The following ZNF496 variants were observed in gnomAD, a reference collection of about 807,000 sequenced individuals.
The protein encoded by ZNF496 is zinc finger protein 496.
A neutral mutation model predicts 58.9 loss-of-function variants in ZNF496; 11 were observed. That is an observed-to-expected ratio of 0.19 (90% confidence interval 0.12 to 0.31). The LOEUF is 0.31. ZNF496 is among the 10% of genes least tolerant of loss of function. The pLI is 1.00. For synonymous variants in ZNF496, 338 were observed against 318.2 expected, an observed-to-expected ratio of 1.06 and a Z score of -0.66; for missense variants, 660 against 783.0, an observed-to-expected ratio of 0.84 and a Z score of 1.88.
Position 247,300,295 on chromosome 1 carries a change from T to C in ZNF496, c.*224A>G. 2.2e-6 allele frequency: 1 copy of C among 450,436 alleles called. No homozygotes were observed. The highest frequency in any genetic ancestry group is 3.8e-6 in the Non-Finnish European group (1 of 260,356). The allele number at this position is 450,436 out of a possible 1,614,324, so 27.9% of individuals were successfully genotyped here. On this transcript the variant is annotated 3_prime_UTR_variant, in exon 10 of 10. Transcript: ENST00000682384. The surrounding 1 kb of genome is among the most constrained non-coding windows in gnomAD (Gnocchi z 5.7). ...CTGGTGATGGCACATCCCCCCCGTT[T>C]TTTGGCACAGCAGAAACAGAACACT... is the stretch of plus-strand genomic sequence containing the variant.
Position 247,308,656 on chromosome 1 carries a change from T to G in ZNF496, c.893-68A>C. ...TACAGCACTACCTGGGAGGGTGCTA[T>G]CCGAATAGATGCCAGGCTACGATCT... On this transcript the variant is annotated intron_variant, in intron 8 of 9. Coordinates refer to ENST00000682384, the MANE Select transcript of ZNF496 (RefSeq NM_032752.3). The surrounding 1 kb of genome is among the most constrained non-coding windows in gnomAD (Gnocchi z 4.5). 2 of 1,426,580 alleles carry G rather than the reference T, an allele frequency of 1.4e-6. No individual in the cohort carries two copies. Among genetic ancestry groups the G allele is most frequent in the Non-Finnish European group, 2.0e-6 (2 of 1,014,300 alleles). 88.4% of individuals were successfully genotyped at this position (1,426,580 alleles called of 1,614,324 possible). A position where few individuals can be genotyped will look rare whatever the true frequency, so the allele number is the denominator to read the frequency against.
At chr1:247,328,452 C>T (rs529202047) in intron 5 of ZNF496, among the ~76,000 whole-genome samples, 1 of 152,300 alleles carries the variant, frequency 6.6e-6, no homozygotes, top group Admixed American at 6.5e-5. Context: ...CCTACAGAAG[C>T]GTTAGCTCTG....
chr1:247,328,710 G>A lies in ZNF496; in HGVS notation c.547C>T (p.Pro183Ser). ...LAQCLGLPSR[P>S]PSQLSGDPVL... ...GGGTCCCCGCTGAGCTGGCTTGGTGGTCTGCTTGGGAGCCCCAGGCACTGT... is the reference window on the plus strand; with the variant it reads ...GGGTCCCCGCTGAGCTGGCTTGGTGATCTGCTTGGGAGCCCCAGGCACTGT... The change falls in exon 5 of 10, where the codon CCA becomes TCA. Residue 183 changes from proline (P) to serine (S), a missense_variant. By Grantham distance (74) the Pro-to-Ser change is moderately conservative (BLOSUM62 -1). Transcript: ENST00000682384. 2 of 1,602,338 alleles carry A rather than the reference G, an allele frequency of 1.2e-6. No homozygotes were observed. The highest frequency in any genetic ancestry group is 2.2e-5 in the East Asian group (1 of 44,748).
intron 6 of ZNF496, chr1:247,313,216 GGCTA>G (rs1659663145): frequency 6.6e-6 from 1 of 152,246 alleles, no homozygotes; most frequent in Non-Finnish European, 1.5e-5. Context: ...GCAGCTTGGG[GGCTA>G]GCATTTCAAC....
Position 247,300,625 on chromosome 1 carries a change from A to G in ZNF496, c.1658T>C (p.Phe553Ser). ...GCTCTTGACGCAGTACCGGCACTGG[A>G]AGGGCCGGGCTTTGTCCTTCAGGTG... ...HFHLKDKARP[F>S]QCRYCVKSFT... is the part of the protein sequence containing the mutation. Residue 553 changes from phenylalanine to serine, a missense_variant, in exon 10 of 10, where the codon TTC becomes TCC. Transcript: ENST00000682384. This position sits in a 1 kb window ranked among gnomAD's most constrained non-coding sequence, Gnocchi z 5.7. 6.2e-7 allele frequency: 1 copy of G among 1,614,090 alleles called. No individual in the cohort carries two copies. Among genetic ancestry groups the G allele is most frequent in the Non-Finnish European group, 8.5e-7 (1 of 1,180,024 alleles).
At chr1:247,313,954 A>G (rs914315096) in intron 6 of ZNF496, 29 of 152,216 alleles carry the variant, frequency 1.9e-4, no homozygotes, top group African/African-American at 6.5e-4. Context: ...CTGCTTCTCA[A>G]GAGGTTCCTG....
intron 5 of ZNF496, among the ~76,000 whole-genome samples, chr1:247,324,129 G>A (rs1298358830): frequency 6.6e-6 from 1 of 151,062 alleles, no homozygotes; most frequent in Admixed American, 6.6e-5. Flanking sequence ...GAATTACTGT[G>A]GAACTCCATA....
chr1:247,329,268 G>A lies in ZNF496; in HGVS notation c.311C>T (p.Ala104Val). 6.2e-7 allele frequency: 1 copy of A among 1,613,584 alleles called. No homozygotes were observed. Among genetic ancestry groups the A allele is most frequent in the Non-Finnish European group, 8.5e-7 (1 of 1,179,992 alleles). Residue 104 changes from alanine to valine, a missense_variant, in exon 4 of 10, where the codon GCG becomes GTG. Physicochemically the swap from Ala to Val is moderately conservative, Grantham distance 64. Coordinates refer to ENST00000682384, the MANE Select transcript of ZNF496 (RefSeq NM_032752.3). The surrounding 1 kb of genome is among the most constrained non-coding windows in gnomAD (Gnocchi z 5.5). ...LPREIQSWVR[A>V]QEPESGEQAV... ...CTGCTCTCCGCTCTCAGGCTCCTGC[G>A]CCCGCACCCAGCTCTGGATCTCCCG... is the stretch of plus-strand genomic sequence containing the variant.
chr1:247,312,750 GAAAAA>G (rs1659644374), intron 6 of ZNF496: 1 of 138,136 alleles, frequency 7.2e-6, no homozygotes, highest in African/African-American at 2.6e-5. Flanking sequence ...AAAAAAAAAA[GAAAAA>G]GAAAAAGAAA....
At chr1:247,311,399 T>TAA (rs1415595363) in intron 6 of ZNF496, 2 of 123,216 alleles carry the variant, frequency 1.6e-5, no homozygotes, top group African/African-American at 3.2e-5. Context: ...GACTCAGTCT[T>TAA]AAAAAAAAAA....
intron 9 of ZNF496, among the ~76,000 whole-genome samples, chr1:247,306,524 T>C (rs547550309): frequency 1.3e-5 from 2 of 151,408 alleles, no homozygotes; most frequent in South Asian, 4.2e-4. Flanking sequence ...CTTTTTTTTT[T>C]TGGAGACAGA....
chr1:247,316,531 C>T lies in ZNF496; in HGVS notation c.652-6075G>A, dbSNP rs1251267874. 4.6e-5 allele frequency among the ~76,000 whole-genome samples: 7 copies of T among 152,242 alleles called. No individual in the cohort carries two copies. In the South Asian group the frequency reaches 6.2e-4, roughly 14 times the overall value. On this transcript the variant is annotated intron_variant, in intron 6 of 9. Transcript: ENST00000682384. ...GGACACTCAGCCCCTCGCCATGTGACGCCCTGCACCCACCTCGGGACACCA... is the reference window on the plus strand; with the variant it reads ...GGACACTCAGCCCCTCGCCATGTGATGCCCTGCACCCACCTCGGGACACCA...
At chr1:247,321,246 C>T (rs1659954153) in intron 6 of ZNF496, among the ~76,000 whole-genome samples, 1 of 152,026 alleles carries the variant, frequency 6.6e-6, no homozygotes, top group Non-Finnish European at 1.5e-5. Flanking sequence ...GGACATTATG[C>T]TGAATGAAAT....
chr1:247,309,720 C>A lies in ZNF496; in HGVS notation c.871G>T (p.Val291Leu). 6.2e-7 allele frequency: 1 copy of A among 1,614,168 alleles called. No individual in the cohort carries two copies. Among genetic ancestry groups the A allele is most frequent in the Non-Finnish European group, 8.5e-7 (1 of 1,180,034 alleles). Reference sequence around the variant, plus strand: ...TCACCCAAGTAGGAGACCTGGGGCACTTCTTTGCCCTGGAGATCCTGCAAC... The same window carrying A: ...TCACCCAAGTAGGAGACCTGGGGCAATTCTTTGCCCTGGAGATCCTGCAAC... ...PELQDLQGKE[V>L]PQVSYLDSPS... The change falls in exon 8 of 10, where the codon GTG (valine) becomes TTG (leucine). Residue 291 changes from valine to leucine, a missense_variant. Coordinates refer to ENST00000682384, the MANE Select transcript of ZNF496 (RefSeq NM_032752.3). This position sits in a 1 kb window ranked among gnomAD's most constrained non-coding sequence, Gnocchi z 4.3.
At chr1:247,324,451 G>GGGT (rs1376999587) in intron 5 of ZNF496, among the ~76,000 whole-genome samples, 1 of 152,144 alleles carries the variant, frequency 6.6e-6, no homozygotes, top group African/African-American at 2.4e-5. Flanking sequence ...ATTGCTAAGA[G>GGGT]GGTAGATCTG....
At chr1:247,330,819 T>A (rs1270676581) in intron 2 of ZNF496, among the ~76,000 whole-genome samples, 1 of 152,190 alleles carries the variant, frequency 6.6e-6, no homozygotes, top group East Asian at 1.9e-4. Context: ...CGGGCCTCAC[T>A]CCCATTTCAC....
chr1:247,316,244 C>T (rs1042581999), intron 6 of ZNF496, among the ~76,000 whole-genome samples: 5 of 140,594 alleles, frequency 3.6e-5, no homozygotes, highest in South Asian at 2.3e-4. Flanking sequence ...TGTGAGCGCG[C>T]GCAGTGGGGG....
chr1:247,303,899 G>A (rs1238739396), intron 9 of ZNF496: 1 of 175,500 alleles, frequency 5.7e-6, no homozygotes, highest in Non-Finnish European at 1.2e-5. Flanking sequence ...ATGATTCACG[G>A]ATCCAATCAA....
chr1:247,302,002 T>C (rs543254338), intron 9 of ZNF496, among the ~76,000 whole-genome samples: 1 of 152,178 alleles, frequency 6.6e-6, no homozygotes, highest in Admixed American at 6.5e-5. Context: ...CTGGACTTCC[T>C]GCATCCTGAG....
Sources: allele counts gnomAD v4.1 joint callset (sites outside exome capture counted in the v4.1 genomes callset), GRCh38; gene constraint gnomAD v4.1.1; non-coding constraint Gnocchi (gnomAD v3.1); transcripts MANE v1.5; gene names NCBI Gene and HGNC (gene_info 2026-07-23, HGNC 2026-07-21).